Variants in PLCXD3 observed in about 807,000 individuals in gnomAD.
PLCXD3 encodes phosphatidylinositol specific phospholipase C X domain containing 3.
A neutral mutation model predicts 25.5 loss-of-function variants in PLCXD3; 19 were observed. That is an observed-to-expected ratio of 0.75 (90% CI 0.52 to 1.09). The LOEUF (loss-of-function observed/expected upper bound fraction) is 1.09. Ranked by LOEUF, PLCXD3 falls within the 50% of genes least tolerant of loss-of-function variation. PLCXD3 has a pLI of 0.00. For synonymous variants in PLCXD3, 174 were observed against 137.6 expected (o/e 1.26, Z -1.85); for missense variants, 411 against 388.1 (o/e 1.06, Z -0.50).
chr5:41,339,117 T>G (rs1372330227), intron 2 of PLCXD3, among the ~76,000 whole-genome samples: 1 of 152,104 alleles, frequency 6.6e-6, no homozygotes, highest in East Asian at 1.9e-4. Context: ...CTGCTCTATC[T>G]CTGGAAGAGT....
intron 1 of PLCXD3, among the ~76,000 whole-genome samples, chr5:41,457,217 C>A (rs1747772930): frequency 6.6e-6 from 1 of 151,918 alleles, no homozygotes; most frequent in African/African-American, 2.4e-5. Flanking sequence ...CACTTGGCCT[C>A]ATATCAGACA....
At chr5:41,400,578 A>C (rs1235186613) in intron 1 of PLCXD3, among the ~76,000 whole-genome samples, 1 of 152,116 alleles carries the variant, frequency 6.6e-6, no homozygotes, top group Non-Finnish European at 1.5e-5. Flanking sequence ...GCATGAAATA[A>C]GCTGGGCACA....
intron 1 of PLCXD3, among the ~76,000 whole-genome samples, chr5:41,472,170 T>C (rs529393772): frequency 6.6e-6 from 1 of 151,830 alleles, no homozygotes; most frequent in Non-Finnish European, 1.5e-5. Flanking sequence ...AAGCTACAAA[T>C]GGAATGATAT....
chr5:41,423,739 A>G (rs1168243141), intron 1 of PLCXD3, among the ~76,000 whole-genome samples: 3 of 152,148 alleles, frequency 2.0e-5, no homozygotes, highest in African/African-American at 7.2e-5. Flanking sequence ...TGAGGTCAGG[A>G]GTTCGAGACC....
At position 41,428,374 on chromosome 5, in the gene PLCXD3, G is replaced by GTTTTTTT. The variant is rs373244601; in HGVS notation, c.104-45847_104-45841dup. Among the ~76,000 whole-genome samples the GTTTTTTT allele has an allele frequency of 6.6e-5, 6 of 91,594 alleles. 1 individual carries two copies. The highest frequency in any genetic ancestry group is 3.9e-4 in the South Asian group (1 of 2,596). 60.1% of individuals were successfully genotyped at this position (91,594 alleles called of 152,430 possible). On this transcript the variant is annotated intron_variant, in intron 1 of 2. Transcript: ENST00000377801. ...TAAAGAGGTGATTAAGTTAAAATGA[G>GTTTTTTT]TTTTTTTGTTTTTGTTTTTGTTTTT... is the stretch of plus-strand genomic sequence containing the variant.
rs1002319166 is a variant in PLCXD3 at position 41,395,280 on chromosome 5, A to G, written c.104-12746T>C. Among the ~76,000 whole-genome samples the G allele has an allele frequency of 2.6e-5, 4 of 152,154 alleles. No homozygotes were observed. The East Asian group carries it at 7.7e-4, about 29-fold the overall frequency. On this transcript the variant is annotated intron_variant, in intron 1 of 2. Coordinates refer to ENST00000377801, the MANE Select transcript of PLCXD3 (RefSeq NM_001005473.3). ...ATTGAAAAATTTGTTGAAACAAATG[A>G]TAATGGAAACACAATATACCAAAAC...
rs184022111 is a variant in PLCXD3, at chr5:41,311,518, A to G, written c.*2099T>C. The G allele has an allele frequency of 6.6e-5, 10 of 152,220 alleles. No homozygotes were observed. The highest frequency in any genetic ancestry group is 1.0e-4 in the Non-Finnish European group (7 of 67,984). 9.4% of individuals were successfully genotyped at this position (152,220 alleles called of 1,614,324 possible). A position where few individuals can be genotyped will look rare whatever the true frequency, so the allele number is the denominator to read the frequency against. ...GTCTTCATTTGAAAAGAAGAATTGTACTGTGTCCATATCTGTGTGTGTTTC... is the reference window on the plus strand; with the variant it reads ...GTCTTCATTTGAAAAGAAGAATTGTGCTGTGTCCATATCTGTGTGTGTTTC... On this transcript the variant is annotated 3_prime_UTR_variant, in exon 3 of 3. Transcript: ENST00000377801.
At chr5:41,401,515 G>A (rs1406055735) in intron 1 of PLCXD3, among the ~76,000 whole-genome samples, 1 of 151,922 alleles carries the variant, frequency 6.6e-6, no homozygotes, top group African/African-American at 2.4e-5. Context: ...ATGTGTATGG[G>A]CCTAGCTCTG....
intron 1 of PLCXD3, among the ~76,000 whole-genome samples, chr5:41,469,269 T>G (rs1418701081): frequency 6.6e-6 from 1 of 152,142 alleles, no homozygotes; most frequent in East Asian, 1.9e-4. Flanking sequence ...ATTTTTAAAT[T>G]TGGTTTGATA....
chr5:41,422,914 G>A (rs1261590412), intron 1 of PLCXD3, among the ~76,000 whole-genome samples: 1 of 151,974 alleles, frequency 6.6e-6, no homozygotes, highest in African/African-American at 2.4e-5. Context: ...TTTTCATTGT[G>A]AAATAGAATA....
intron 1 of PLCXD3, among the ~76,000 whole-genome samples, chr5:41,438,653 CA>C (rs1329632148): frequency 2.0e-5 from 3 of 152,178 alleles, no homozygotes; most frequent in Non-Finnish European, 4.4e-5. Context: ...AATCACCCTA[CA>C]ATATGTCTGT....
intron 2 of PLCXD3, among the ~76,000 whole-genome samples, chr5:41,328,596 G>T (rs775573862): frequency 3.9e-5 from 6 of 152,118 alleles, no homozygotes; most frequent in African/African-American, 9.7e-5. Flanking sequence ...TGGCATGTGA[G>T]GTCTCAAAGC....
chr5:41,357,386 T>C (rs1314414543), intron 2 of PLCXD3, among the ~76,000 whole-genome samples: 1 of 152,250 alleles, frequency 6.6e-6, no homozygotes, highest in Non-Finnish European at 1.5e-5. Flanking sequence ...TATAAATTTG[T>C]TGGATATTAG....
chr5:41,428,664 A>G (rs966202007), intron 1 of PLCXD3, among the ~76,000 whole-genome samples: 3 of 152,096 alleles, frequency 2.0e-5, no homozygotes, highest in Non-Finnish European at 4.4e-5. Context: ...TAGCACACTA[A>G]TAGTGTTTTA....
rs1306386125 is a variant in PLCXD3, at chr5:41,503,607, A to G, written c.103+6817T>C. Among the ~76,000 whole-genome samples the G allele has an allele frequency of 3.3e-5, 5 of 152,170 alleles. No individual in the cohort carries two copies. The South Asian group carries it at 1.0e-3, about 32-fold the overall frequency. ...TCTTCCTGTCTTAATAGAGCATAAT[A>G]AAAACATATGGTGCTGTAAAAAGCT... On this transcript the variant is annotated intron_variant, in intron 1 of 2. Coordinates refer to ENST00000377801, the MANE Select transcript of PLCXD3 (RefSeq NM_001005473.3).
At chr5:41,370,130 AG>A (rs1745049788) in intron 2 of PLCXD3, among the ~76,000 whole-genome samples, 1 of 152,218 alleles carries the variant, frequency 6.6e-6, no homozygotes, top group Non-Finnish European at 1.5e-5. Context: ...AATATTTTAA[AG>A]GAAAAGTTCA....
chr5:41,429,409 GGA>G (rs575243753), intron 1 of PLCXD3, among the ~76,000 whole-genome samples: 6 of 151,440 alleles, frequency 4.0e-5, no homozygotes, highest in South Asian at 2.1e-4. Context: ...AGAAGGCGGA[GGA>G]GAGAGAGAGA....
intron 2 of PLCXD3, among the ~76,000 whole-genome samples, chr5:41,336,603 C>T (rs1743987740): frequency 6.6e-6 from 1 of 152,178 alleles, no homozygotes; most frequent in Admixed American, 6.6e-5. Context: ...ATTCTTCTAG[C>T]TTCTGAAAGT....
chr5:41,379,344 A>T (rs1745386614), intron 2 of PLCXD3, among the ~76,000 whole-genome samples: 2 of 152,096 alleles, frequency 1.3e-5, no homozygotes, highest in Admixed American at 1.3e-4. Flanking sequence ...ACCAGAAAAA[A>T]TAACGTTTGT....
Sources: gnomAD v4.1 joint callset for allele counts (sites outside exome capture counted in the v4.1 genomes callset) on GRCh38, gnomAD v4.1.1 for gene constraint, MANE v1.5 for transcripts, NCBI Gene and HGNC (gene_info 2026-07-23, HGNC 2026-07-21) for gene names.